The following CSNK1A1 variants were observed in gnomAD, a reference collection of about 807,000 sequenced individuals.
The protein encoded by CSNK1A1 is casein kinase 1 alpha 1, also known as casein kinase I isoform alpha.
In CSNK1A1, 7 loss-of-function variants were observed where a neutral mutation model predicts 46.1. The ratio of observed to expected loss-of-function variants is 0.15; its 90% CI spans 0.09 to 0.29. The LOEUF is 0.29. CSNK1A1 is among the 10% of genes least tolerant of loss of function. The probability of loss-of-function intolerance (pLI) is 1.00; values close to 1 mark genes in which losing one functional copy is unlikely to be tolerated. For synonymous variants in CSNK1A1, 137 were observed against 141.5 expected, an observed-to-expected ratio of 0.97 and a Z score of 0.23; for missense variants, 96 against 417.1, an observed-to-expected ratio of 0.23 and a Z score of 6.71.
chr5:149,540,396 G>A (rs182377492), intron 2 of CSNK1A1, among the ~76,000 whole-genome samples: 2 of 152,042 alleles, frequency 1.3e-5, no homozygotes, highest in African/African-American at 2.4e-5. Context: ...TGCTCACACC[G>A]ACAAGAAAAA....
intron 2 of CSNK1A1, among the ~76,000 whole-genome samples, chr5:149,541,292 G>A (rs1208252128): frequency 6.6e-6 from 1 of 151,266 alleles, no homozygotes; most frequent in African/African-American, 2.4e-5. Flanking sequence ...AGCTGGGATT[G>A]CAGGCACCTG....
At chr5:149,528,361 T>A (rs1761785246) in intron 2 of CSNK1A1, among the ~76,000 whole-genome samples, 1 of 152,230 alleles carries the variant, frequency 6.6e-6, no homozygotes, top group South Asian at 2.1e-4. Context: ...ACTGGTACTA[T>A]AACTCCTTAA....
At position 149,495,721 on chromosome 5, in the gene CSNK1A1, C is replaced by A. The variant is rs1236954777; in HGVS notation, c.*1132G>T. On this transcript the variant is annotated 3_prime_UTR_variant, in exon 10 of 10. Transcript: ENST00000377843. ...ATACCAAGTTCTGGCAGTTGCAGTA[C>A]TAGATATTGTGCCTGCAAGTCATAA... The A allele has an allele frequency of 2.3e-5, 3 of 132,240 alleles. No homozygotes were observed. Among genetic ancestry groups the A allele is most frequent in the African/African-American group, 8.6e-5 (3 of 34,694 alleles). 8.2% of individuals were successfully genotyped at this position (132,240 alleles called of 1,614,324 possible). A position where few individuals can be genotyped will look rare whatever the true frequency, so the allele number is the denominator to read the frequency against.
At chr5:149,508,238 G>A (rs1465803115) in intron 7 of CSNK1A1, among the ~76,000 whole-genome samples, 5 of 152,108 alleles carry the variant, frequency 3.3e-5, no homozygotes, top group African/African-American at 2.4e-5. Flanking sequence ...TGATTGCACC[G>A]ATATAAATTG....
chr5:149,527,822 G>GT (rs1173771736), intron 2 of CSNK1A1, among the ~76,000 whole-genome samples: 2 of 152,174 alleles, frequency 1.3e-5, no homozygotes, highest in African/African-American at 4.8e-5. Context: ...AGCTAAGGAA[G>GT]TAAGAAGGCG....
chr5:149,514,104 A>T (rs1459106135), intron 4 of CSNK1A1, among the ~76,000 whole-genome samples: 1 of 152,196 alleles, frequency 6.6e-6, no homozygotes, highest in Non-Finnish European at 1.5e-5. Context: ...AAATTTAACA[A>T]GTTGATATAA....
intron 9 of CSNK1A1, chr5:149,499,257 T>C (rs780549424): frequency 1.0e-6 from 1 of 967,318 alleles, no homozygotes; most frequent in Non-Finnish European, 1.2e-6. Flanking sequence ...ATCTTCACTG[T>C]AACATCAGTT....
At chr5:149,507,557 C>T (rs1164517008) in intron 7 of CSNK1A1, among the ~76,000 whole-genome samples, 1 of 151,970 alleles carries the variant, frequency 6.6e-6, no homozygotes, top group Non-Finnish European at 1.5e-5. Flanking sequence ...ACCTCCCAGG[C>T]TTCAAGCGAT....
intron 8 of CSNK1A1, 42 bp from the exon 9 acceptor site, chr5:149,505,637 G>A (rs765736453): frequency 6.4e-7 from 1 of 1,554,414 alleles, no homozygotes; most frequent in Non-Finnish European, 8.8e-7. Context: ...TTTAATAACA[G>A]AGTCCAGTTA....
chr5:149,529,818 G>T, intron 2 of CSNK1A1: 2 of 444,716 alleles, frequency 4.5e-6, no homozygotes, highest in Non-Finnish European at 9.1e-6. Flanking sequence ...TATGGAAATG[G>T]AGGACCAGGG....
chr5:149,513,224 T>C lies in CSNK1A1; in HGVS notation c.457-15A>G. ...ATAAGGAATAACTTTAAAAGAGAAA[T>C]ACAGAAACATTAGGTTTCCAACCTT... On this transcript the variant is annotated splice_polypyrimidine_tract_variant and intron_variant, in intron 4 of 9. Transcript: ENST00000377843. 2 of 1,607,896 alleles carry C rather than the reference T, an allele frequency of 1.2e-6. No homozygotes were observed. Among genetic ancestry groups the C allele is most frequent in the Non-Finnish European group, 1.7e-6 (2 of 1,176,642 alleles).
At chr5:149,504,759 A>G (rs1580820787) in intron 9 of CSNK1A1, 9 of 985,452 alleles carry the variant, frequency 9.1e-6, no homozygotes, top group Middle Eastern at 5.2e-4. Flanking sequence ...CATTGTGAAA[A>G]ATCAAGCCAA....
In CSNK1A1 at chr5:149,551,065, C is replaced by T. The variant is rs963179708; in HGVS notation, c.-101G>A. The T allele has an allele frequency of 2.2e-6, 3 of 1,343,328 alleles. No homozygotes were observed. Among genetic ancestry groups the T allele is most frequent in the Non-Finnish European group, 3.1e-6 (3 of 969,390 alleles). 83.2% of individuals were successfully genotyped at this position (1,343,328 alleles called of 1,614,324 possible). A position where few individuals can be genotyped will look rare whatever the true frequency, so the allele number is the denominator to read the frequency against. On this transcript the variant is annotated 5_prime_UTR_variant, in exon 1 of 10. Transcript: ENST00000377843. ...CACTAGGCAAGGCTACGGAGGAGGG[C>T]GGCAGGAAACGGAACACGGAGGCCT...
chr5:149,520,775 T>G (rs1358895902), intron 3 of CSNK1A1, among the ~76,000 whole-genome samples: 1 of 152,226 alleles, frequency 6.6e-6, no homozygotes, highest in East Asian at 1.9e-4. Context: ...TAAAATGGCC[T>G]TGTATTACCC....
intron 2 of CSNK1A1, among the ~76,000 whole-genome samples, chr5:149,549,831 A>C (rs1017001717): frequency 6.6e-6 from 1 of 152,216 alleles, no homozygotes; most frequent in South Asian, 2.1e-4. Flanking sequence ...ACTGCAAATG[A>C]AAGCCTCGGG....
intron 3 of CSNK1A1, among the ~76,000 whole-genome samples, chr5:149,523,460 TGTCTTG>T (rs1351181241): frequency 6.6e-6 from 1 of 152,244 alleles, no homozygotes; most frequent in Non-Finnish European, 1.5e-5. Flanking sequence ...GAGATCCTCG[TGTCTTG>T]GTCTCCCAAA....
In CSNK1A1 at chr5:149,551,000, C is replaced by G. The variant is rs1561777877; in HGVS notation, c.-36G>C. On this transcript the variant is annotated 5_prime_UTR_variant, in exon 1 of 10. Transcript: ENST00000377843. The surrounding 1 kb of genome is among the most constrained non-coding windows in gnomAD (Gnocchi z 4.3). ...GAAGATGGAGGCTGGGGCCAAGCCC[C>G]GACACCTCTGGGAAGAGGACGGAGG... 6.2e-7 allele frequency: 1 copy of G among 1,612,748 alleles called. No individual in the cohort carries two copies. Among genetic ancestry groups the G allele is most frequent in the Non-Finnish European group, 8.5e-7 (1 of 1,179,698 alleles).
Position 149,550,790 on chromosome 5 carries a change from G to A in CSNK1A1, c.123+52C>T, listed in dbSNP as rs961235803. On this transcript the variant is annotated intron_variant, in intron 1 of 9. Transcript: ENST00000377843. The surrounding 1 kb of genome is among the most constrained non-coding windows in gnomAD (Gnocchi z 4.3). ...CTTTGGGGGTGCACGGTGGTGGTGGGGGGAATGAGTAAAAGCGCAGCGTTA... is the reference window on the plus strand; with the variant it reads ...CTTTGGGGGTGCACGGTGGTGGTGGAGGGAATGAGTAAAAGCGCAGCGTTA... 34 of 1,611,834 alleles carry A rather than the reference G, an allele frequency of 2.1e-5. No homozygotes were observed. Among genetic ancestry groups the A allele is most frequent in the East Asian group, 4.5e-5 (2 of 44,848 alleles).
intron 2 of CSNK1A1, among the ~76,000 whole-genome samples, chr5:149,546,055 A>ATT (rs778357270): frequency 7.8e-5 from 11 of 141,472 alleles, no homozygotes; most frequent in African/African-American, 2.6e-4. Context: ...CACCAGGCTA[A>ATT]TTTTTTTTTT....
Sources: gnomAD v4.1 joint callset for allele counts (sites outside exome capture counted in the v4.1 genomes callset) on GRCh38, gnomAD v4.1.1 for gene constraint, Gnocchi (gnomAD v3.1) non-coding constraint, MANE v1.5 for transcripts, NCBI Gene and HGNC (gene_info 2026-07-23, HGNC 2026-07-21) for gene names.